The following SNX8 variants were observed in gnomAD, a reference collection of about 807,000 sequenced individuals.
SNX8 encodes sorting nexin-8.
In SNX8, 25 loss-of-function variants were observed where a neutral mutation model predicts 51.6. The observed-to-expected ratio is 0.48, with a 90% CI of 0.35 to 0.68. The LOEUF is 0.68. Among genes scored for constraint, SNX8 ranks in the 30% least tolerant of loss-of-function variants. The pLI is 0.00. For synonymous variants in SNX8, 324 were observed against 277.0 expected, an observed-to-expected ratio of 1.17 and a Z score of -1.68; for missense variants, 695 against 624.0, an observed-to-expected ratio of 1.11 and a Z score of -1.21.
Position 2,263,270 on chromosome 7 carries a change from G to C in SNX8, c.875C>G (p.Ser292Cys). Residue 292 changes from serine to cysteine, a missense_variant, in exon 7 of 11, where the codon TCT (serine) becomes TGT (cysteine). Ser to Cys is a moderately radical substitution (Grantham distance 112). Coordinates refer to ENST00000222990, the MANE Select transcript of SNX8 (RefSeq NM_013321.4). ...GTCGGCGAGCAGCGCGAATTCCACAGACAGGCCTTTCAGAGCCTGCTTCAG... is the reference window on the plus strand; with the variant it reads ...GTCGGCGAGCAGCGCGAATTCCACACACAGGCCTTTCAGAGCCTGCTTCAG... Reference protein sequence around the residue: ...GSLKQALKGLSVEFALLADKA... With the variant: ...GSLKQALKGLCVEFALLADKA... The C allele has an allele frequency of 6.2e-7, 1 of 1,613,978 alleles. No individual in the cohort carries two copies. The highest frequency in any genetic ancestry group is 8.5e-7 in the Non-Finnish European group (1 of 1,180,030).
intron 1 of SNX8, among the ~76,000 whole-genome samples, chr7:2,323,670 G>T (rs908478788): frequency 1.3e-5 from 2 of 152,196 alleles, no homozygotes; most frequent in African/African-American, 4.8e-5. Flanking sequence ...CAGGACCAGT[G>T]ATGTGGTCTC....
At chr7:2,349,500 G>C (rs979133451) in intron 1 of SNX8, among the ~76,000 whole-genome samples, 9 of 151,018 alleles carry the variant, frequency 6.0e-5, no homozygotes, top group African/African-American at 2.0e-4. Flanking sequence ...GAGTGCAGTG[G>C]TGTGATCTCG....
At chr7:2,326,984 C>T (rs1303243375) in intron 1 of SNX8, among the ~76,000 whole-genome samples, 1 of 152,102 alleles carries the variant, frequency 6.6e-6, no homozygotes, top group Non-Finnish European at 1.5e-5. Flanking sequence ...ATATTACGAA[C>T]TTGGTGGCTT....
Position 2,347,676 on chromosome 7 carries a change from T to C in SNX8, c.-66+6546A>G, listed in dbSNP as rs1779059205. Among the ~76,000 whole-genome samples the C allele has an allele frequency of 3.3e-5, 5 of 150,110 alleles. No individual in the cohort carries two copies. The Admixed American group carries it at 3.3e-4, about 10-fold the overall frequency. ...GCTTTGTTTTGTTGAGATGGAGTCTTGCTCTGTCACCCAGGCTGGAGTGCA... is the reference window on the plus strand; with the variant it reads ...GCTTTGTTTTGTTGAGATGGAGTCTCGCTCTGTCACCCAGGCTGGAGTGCA... On this transcript the variant is annotated intron_variant, in intron 1 of 5. Coordinates refer to the SNX8 transcript ENST00000435336.
At chr7:2,263,081 T>G (rs1562423340) in intron 7 of SNX8, 149 bp downstream of exon 7, 1 of 960,362 alleles carries the variant, frequency 1.0e-6, no homozygotes. Context: ...ATTGCGCCTT[T>G]GCGCTCCAGC....
At chr7:2,312,102 C>A (rs145823157) in intron 1 of SNX8, among the ~76,000 whole-genome samples, 8 of 152,226 alleles carry the variant, frequency 5.3e-5, no homozygotes, top group African/African-American at 9.6e-5. Flanking sequence ...GTCCCAGCAA[C>A]CCCCATCTGT....
At position 2,280,792 on chromosome 7, in the gene SNX8, C is replaced by CTT. The variant is rs11464982; in HGVS notation, c.95-2489_95-2488dup. Among the ~76,000 whole-genome samples, 1,026 of 138,772 alleles carry CTT rather than the reference C, an allele frequency of 7.4e-3. 10 individuals carry two copies. Among genetic ancestry groups the CTT allele is most frequent in the African/African-American group, 9.9e-3 (372 of 37,536 alleles). The allele number at this position is 138,772 out of a possible 152,430, so 91.0% of individuals were successfully genotyped here. A position where few individuals can be genotyped will look rare whatever the true frequency, so the allele number is the denominator to read the frequency against. On this transcript the variant is annotated intron_variant, in intron 1 of 10. Coordinates refer to ENST00000222990, the MANE Select transcript of SNX8 (RefSeq NM_013321.4). ...TATCAATTTACTAAACTAGAATGCC[C>CTT]TTTTTTTTTTTTTTTTGAGAGACAG... is the stretch of plus-strand genomic sequence containing the variant.
At chr7:2,281,751 G>C (rs1272995486) in intron 1 of SNX8, among the ~76,000 whole-genome samples, 1 of 152,160 alleles carries the variant, frequency 6.6e-6, no homozygotes, top group Non-Finnish European at 1.5e-5. Flanking sequence ...GAGAGATCCT[G>C]GCTGAAATCC....
chr7:2,310,596 T>A (rs889273823), intron 1 of SNX8, among the ~76,000 whole-genome samples: 1 of 152,046 alleles, frequency 6.6e-6, no homozygotes, highest in African/African-American at 2.4e-5. Context: ...TGAAATGCCA[T>A]CTCTACTAAA....
intron 1 of SNX8, among the ~76,000 whole-genome samples, chr7:2,344,608 A>G (rs1425548327): frequency 2.4e-5 from 1 of 41,140 alleles, no homozygotes; most frequent in African/African-American, 9.1e-5. Flanking sequence ...CGAGACTCCA[A>G]CTCAAAAAAA....
At chr7:2,340,415 A>C (rs902971096) in intron 1 of SNX8, among the ~76,000 whole-genome samples, 1 of 151,846 alleles carries the variant, frequency 6.6e-6, no homozygotes, top group Non-Finnish European at 1.5e-5. Flanking sequence ...ATGAGTGGGA[A>C]AGGGTTTTTT....
intron 5 of SNX8, 43 bp from the exon 6 acceptor site, chr7:2,264,501 G>A: frequency 5.7e-6 from 9 of 1,577,876 alleles, no homozygotes; most frequent in Non-Finnish European, 7.8e-6. Context: ...TAGTCGCTGG[G>A]GAGCACCTGT....
chr7:2,325,465 TGGTC>T (rs1393605457), intron 1 of SNX8, among the ~76,000 whole-genome samples: 1 of 152,146 alleles, frequency 6.6e-6, no homozygotes, highest in African/African-American at 2.4e-5. Context: ...GATGCCTAAA[TGGTC>T]ACAAACAGAC....
At chr7:2,354,147 C>G (rs185187067) in intron 1 of SNX8, 1 of 152,444 alleles carries the variant, frequency 6.6e-6, no homozygotes, top group African/African-American at 2.4e-5. Flanking sequence ...ACTGTGAAAG[C>G]CCGAATGGGG....
chr7:2,275,977 G>A (rs545176843), intron 2 of SNX8, among the ~76,000 whole-genome samples: 29 of 151,696 alleles, frequency 1.9e-4, no homozygotes, highest in African/African-American at 6.3e-4. Flanking sequence ...CAGCCTGGGC[G>A]GCAGAGCGAG....
rs368447793 is a variant in SNX8 at position 2,321,455 on chromosome 7, C to T, written c.-66+32767G>A. 9.5e-3 allele frequency among the ~76,000 whole-genome samples: 1,375 copies of T among 145,332 alleles called. 18 individuals carry two copies. Among genetic ancestry groups the T allele is most frequent in the South Asian group, 0.043 (196 of 4,606 alleles). ...TTTTTTTTTTTTTTTGAGACGGAGT[C>T]TCCCTCTGTCACCCAGGCTGGAGTG... On this transcript the variant is annotated intron_variant, in intron 1 of 5. Transcript: ENST00000435336.
At chr7:2,304,575 C>T (rs940850736) in intron 1 of SNX8, among the ~76,000 whole-genome samples, 1 of 151,966 alleles carries the variant, frequency 6.6e-6, no homozygotes, top group Non-Finnish European at 1.5e-5. Context: ...TCCCCAAGGA[C>T]AGGGGCAGAT....
intron 1 of SNX8, among the ~76,000 whole-genome samples, chr7:2,296,402 T>C (rs953029064): frequency 7.2e-5 from 11 of 152,032 alleles, no homozygotes; most frequent in Non-Finnish European, 1.3e-4. Context: ...GCAGATAGCA[T>C]GCTACTGATT....
At chr7:2,349,060 C>T (rs1779089117) in intron 1 of SNX8, among the ~76,000 whole-genome samples, 1 of 149,546 alleles carries the variant, frequency 6.7e-6, no homozygotes, top group Admixed American at 6.7e-5. Context: ...GTAAAAAAGC[C>T]TGGTGAGGTG....
Sources: allele counts gnomAD v4.1 joint callset (sites outside exome capture counted in the v4.1 genomes callset), GRCh38; gene constraint gnomAD v4.1.1; transcripts MANE v1.5; gene names NCBI Gene and HGNC (gene_info 2026-07-23, HGNC 2026-07-21).